The following SCARA3 variants were observed in gnomAD, a reference collection of about 807,000 sequenced individuals.
SCARA3 encodes the protein cellular stress response gene protein.
Under a neutral mutation model 47.0 loss-of-function variants are expected in SCARA3, and 39 were observed. The observed-to-expected ratio is 0.83, with a 90% CI of 0.64 to 1.08. The LOEUF is 1.08. SCARA3 is among the 50% of genes least tolerant of loss of function. The pLI, the probability that SCARA3 is intolerant of heterozygous loss-of-function variation, is 0.00. For missense variants in SCARA3, 724 were observed against 792.3 expected, an observed-to-expected ratio of 0.91 and a Z score of 1.04; for synonymous variants, 356 against 334.1, an observed-to-expected ratio of 1.07 and a Z score of -0.71.
At chr8:27,687,352 A>G in the SCARA3 span, among the ~76,000 whole-genome samples, 3 of 152,216 alleles carry the variant, frequency 2.0e-5, no homozygotes, top group Admixed American at 6.5e-5. Context: ...GAGTTTCTGA[A>G]TACAGCCACA....
At chr8:27,634,567 G>A (rs921945214) in intron 1 of SCARA3, among the ~76,000 whole-genome samples, 4 of 152,274 alleles carry the variant, frequency 2.6e-5, no homozygotes, top group African/African-American at 9.6e-5. Flanking sequence ...TTTCGACCCT[G>A]GGGACCCATC....
chr8:27,728,306 G>A, the SCARA3 span, among the ~76,000 whole-genome samples: 14 of 152,178 alleles, frequency 9.2e-5, no homozygotes, highest in Non-Finnish European at 1.6e-4. Context: ...CAGTTGGGAA[G>A]CGCATTCCAG....
the SCARA3 span, among the ~76,000 whole-genome samples, chr8:27,684,674 A>AAAAGG: frequency 5.3e-5 from 8 of 152,056 alleles, no homozygotes; most frequent in Non-Finnish European, 1.0e-4. Flanking sequence ...CAAAAAAAAA[A>AAAAGG]AAAAGGAAAA....
At chr8:27,695,687 A>G in the SCARA3 span, among the ~76,000 whole-genome samples, 6 of 152,192 alleles carry the variant, frequency 3.9e-5, no homozygotes, top group Non-Finnish European at 8.8e-5. Context: ...GAGAATTGGG[A>G]GTTATAAAAA....
At chr8:27,713,522 C>T in the SCARA3 span, among the ~76,000 whole-genome samples, 8 of 152,056 alleles carry the variant, frequency 5.3e-5, no homozygotes, top group Non-Finnish European at 1.2e-4. Context: ...ATATTTTCAT[C>T]GGTATGTACT....
At chr8:27,660,693 TGATAGATAGATAGATAGATA>T (rs200533534) in intron 5 of SCARA3, among the ~76,000 whole-genome samples, 2 of 89,338 alleles carry the variant, frequency 2.2e-5, no homozygotes, top group South Asian at 9.6e-4. Flanking sequence ...GAGTGATAGA[TGATAGATAGATAGATAGATA>T]GATAGATAGA....
the SCARA3 span, among the ~76,000 whole-genome samples, chr8:27,730,987 C>T: frequency 6.6e-6 from 1 of 151,088 alleles, no homozygotes; most frequent in African/African-American, 2.4e-5. Flanking sequence ...GGGGGCCACT[C>T]CTCCAGGACC....
chr8:27,676,537 T>G, downstream of SCARA3: 2 of 1,609,836 alleles, frequency 1.2e-6, no homozygotes, highest in Non-Finnish European at 1.7e-6. Flanking sequence ...TATTAAATAT[T>G]AGAACATCTC....
the SCARA3 span, among the ~76,000 whole-genome samples, chr8:27,699,279 T>C: frequency 0.83 from 124,913 of 150,906 alleles, 52,739 homozygotes; most frequent in East Asian, 0.98. Context: ...ACGTTCATTT[T>C]CCTATATTCT....
At chr8:27,709,388 C>T in the SCARA3 span, among the ~76,000 whole-genome samples, 1 of 152,310 alleles carries the variant, frequency 6.6e-6, no homozygotes, top group African/African-American at 2.4e-5. Context: ...AAGGCCCTGG[C>T]CTTCTGCCCA....
At chr8:27,725,066 C>G in the SCARA3 span, among the ~76,000 whole-genome samples, 1 of 152,162 alleles carries the variant, frequency 6.6e-6, no homozygotes, top group Non-Finnish European at 1.5e-5. Flanking sequence ...AGGAGGATCA[C>G]TTGAGCCTAG....
rs749832269 is a variant in SCARA3, at chr8:27,659,310, C to G, written c.1140C>G (p.Asp380Glu). The G allele has an allele frequency of 6.2e-7, 1 of 1,614,136 alleles. No individual in the cohort carries two copies. The highest frequency in any genetic ancestry group is 1.1e-5 in the South Asian group (1 of 91,068). Residue 380 changes from aspartate (D) to glutamate (E), a missense_variant, in exon 5 of 6, where the codon GAC (aspartate) becomes GAG (glutamate). Physicochemically the swap from Asp to Glu is conservative, Grantham distance 45 (BLOSUM62 2). Transcript: ENST00000301904. ...HVHSMLKYLDDVRLSCTLGFH... is the reference protein window; with the variant it reads ...HVHSMLKYLDEVRLSCTLGFH... Reference sequence around the variant, plus strand: ...ACAGCATGCTCAAGTACCTGGATGACGTGCGGCTCTCCTGCACGCTGGGCT... The same window carrying G: ...ACAGCATGCTCAAGTACCTGGATGAGGTGCGGCTCTCCTGCACGCTGGGCT...
At chr8:27,733,329 A>G in the SCARA3 span, 1 of 152,240 alleles carries the variant, frequency 6.6e-6, no homozygotes, top group Non-Finnish European at 1.5e-5. Flanking sequence ...TACTCAAACT[A>G]TAAGCTTTTA....
At chr8:27,667,850 G>A (rs1265874128) in intron 5 of SCARA3, among the ~76,000 whole-genome samples, 1 of 152,210 alleles carries the variant, frequency 6.6e-6, no homozygotes, top group East Asian at 1.9e-4. Context: ...GCACCTGTCA[G>A]TAGCCCACGC....
At chr8:27,646,535 A>T (rs552957160) in intron 1 of SCARA3, among the ~76,000 whole-genome samples, 17 of 152,300 alleles carry the variant, frequency 1.1e-4, no homozygotes, top group African/African-American at 4.1e-4. Context: ...AGGGCAGAGG[A>T]GCTCATCAAG....
At position 27,658,908 on chromosome 8, in the gene SCARA3, G is replaced by T; in HGVS notation, c.738G>T (p.Leu246=). 6.2e-7 allele frequency: 1 copy of T among 1,614,156 alleles called. No homozygotes were observed. The highest frequency in any genetic ancestry group is 8.5e-7 in the Non-Finnish European group (1 of 1,180,026). The change falls in exon 5 of 6, where the codon CTG becomes CTT. Residue 246 remains leucine (L), a synonymous_variant. Transcript: ENST00000301904. The part of the protein sequence containing the change: ...GIQRKTDEET[L]TLQKIVTDWQ... The stretch of plus-strand genomic sequence containing the variant: ...AGCGGAAGACAGACGAGGAGACCCT[G>T]ACCCTCCAGAAGATTGTCACCGACT...
chr8:27,706,913 G>T, the SCARA3 span, among the ~76,000 whole-genome samples: 14 of 152,134 alleles, frequency 9.2e-5, no homozygotes, highest in African/African-American at 3.1e-4. Flanking sequence ...AGGGCAAGGT[G>T]AGGTATAGGA....
At chr8:27,651,270 A>G (rs995650203) in intron 2 of SCARA3, among the ~76,000 whole-genome samples, 14 of 152,294 alleles carry the variant, frequency 9.2e-5, no homozygotes, top group African/African-American at 3.4e-4. Flanking sequence ...TGGAGAGAGG[A>G]TGATGGTAGT....
At chr8:27,704,002 G>A in the SCARA3 span, among the ~76,000 whole-genome samples, 4 of 151,928 alleles carry the variant, frequency 2.6e-5, no homozygotes, top group South Asian at 6.3e-4. Context: ...ATAAATAAAG[G>A]TTAAAAGTAA....
Sources: allele counts gnomAD v4.1 joint callset (sites outside exome capture counted in the v4.1 genomes callset), GRCh38; gene constraint gnomAD v4.1.1; transcripts MANE v1.5; gene names NCBI Gene and HGNC (gene_info 2026-07-23, HGNC 2026-07-21).